Variants in NR5A1 observed in about 807,000 individuals in gnomAD.
The protein encoded by NR5A1 is nuclear receptor subfamily 5 group A member 1, also known as steroidogenic factor 1.
NR5A1 carries 6 observed loss-of-function variants against 42.7 expected under a neutral mutation model. The observed-to-expected ratio is 0.14, with a 90% CI of 0.08 to 0.28. The LOEUF (loss-of-function observed/expected upper bound fraction) is 0.28, where lower values mean the gene tolerates loss of function less well. Among genes scored for constraint, NR5A1 ranks in the 10% least tolerant of loss-of-function variants. The pLI is 1.00. For missense variants in NR5A1, 442 were observed against 626.4 expected (o/e 0.71, Z 3.14); for synonymous variants, 274 against 277.5 (o/e 0.99, Z 0.12).
chr9:124,504,681 C>T (rs1680968726), intron 1 of NR5A1, among the ~76,000 whole-genome samples: 1 of 149,822 alleles, frequency 6.7e-6, no homozygotes, highest in South Asian at 2.1e-4. Flanking sequence ...CCGGCGCCCA[C>T]CTGGTCGCTC....
chr9:124,493,276 A>T (rs1832344074), intron 4 of NR5A1, 127 bp from the exon 5 acceptor site: 3 of 1,248,584 alleles, frequency 2.4e-6, no homozygotes, highest in African/African-American at 3.0e-5. Flanking sequence ...CTCTGTGCCC[A>T]TCTACCCAGA....
At position 124,482,864 on chromosome 9, in the gene NR5A1, C is replaced by T. The variant is rs151191539; in HGVS notation, c.1280G>A (p.Arg427Gln). The stretch of plus-strand genomic sequence containing the variant: ...CTCCTTGGCCTGCATGCTCAGGGCC[C>T]GCACCTCCACCAGGCACAGCAGCAG... Reference protein sequence around the residue: ...QQLLLCLVEVRALSMQAKEYL... With the variant: ...QQLLLCLVEVQALSMQAKEYL... The change falls in exon 7 of 7, where the codon CGG (arginine) becomes CAG (glutamine). Residue 427 changes from arginine (R) to glutamine (Q), a missense_variant. Arg to Gln is a conservative substitution (Grantham distance 43). This residue lies in a region of NR5A1 where 163 missense variants were observed against 265.8 expected (regional missense o/e 0.61). Transcript: ENST00000373588. The T allele has an allele frequency of 2.0e-5, 32 of 1,613,848 alleles. No individual in the cohort carries two copies. The highest frequency in any genetic ancestry group is 2.5e-5 in the Non-Finnish European group (30 of 1,179,984).
intron 1 of NR5A1, among the ~76,000 whole-genome samples, chr9:124,506,755 G>A (rs577378659): frequency 6.6e-6 from 1 of 152,212 alleles, no homozygotes; most frequent in African/African-American, 2.4e-5. Flanking sequence ...ACCGCCTGGG[G>A]AGTTCCAGCC....
chr9:124,491,240 G>T lies in NR5A1; in HGVS notation c.991-12C>A. 1 of 1,592,610 alleles carries T rather than the reference G, an allele frequency of 6.3e-7. No homozygotes were observed. Among genetic ancestry groups the T allele is most frequent in the South Asian group, 1.1e-5 (1 of 89,488 alleles). On this transcript the variant is annotated splice_polypyrimidine_tract_variant and intron_variant, in intron 5 of 6. Transcript: ENST00000373588. ...GTGGTCAGCTCCACCTGGGGGCAGAGGGCACGGGGCGGGGGACAGTCAGAG... is the reference window on the plus strand; with the variant it reads ...GTGGTCAGCTCCACCTGGGGGCAGATGGCACGGGGCGGGGGACAGTCAGAG...
intron 5 of NR5A1, among the ~76,000 whole-genome samples, chr9:124,491,669 G>A (rs1465033510): frequency 1.3e-5 from 2 of 151,992 alleles, no homozygotes; most frequent in Non-Finnish European, 2.9e-5. Flanking sequence ...TCACAGCTCA[G>A]CTCAGAGTCA....
chr9:124,506,387 GAAAC>G (rs1267914835), intron 1 of NR5A1, among the ~76,000 whole-genome samples: 1 of 152,178 alleles, frequency 6.6e-6, no homozygotes, highest in Admixed American at 6.5e-5. Context: ...AAACCCCTGA[GAAAC>G]AAGAGCATCT....
chr9:124,501,066 T>C lies in NR5A1; in HGVS notation c.245-351A>G. 1.8e-6 allele frequency: 1 copy of C among 560,060 alleles called. No homozygotes were observed. The highest frequency in any genetic ancestry group is 3.5e-6 in the Non-Finnish European group (1 of 286,044). 34.7% of individuals were successfully genotyped at this position (560,060 alleles called of 1,614,324 possible). A position where few individuals can be genotyped will look rare whatever the true frequency, so the allele number is the denominator to read the frequency against. ...GAACACCCAGCCTCAATGTCACTAC[T>C]TCCAGGAAGCACTCCTGGATTCATG... On this transcript the variant is annotated intron_variant, in intron 3 of 6. Transcript: ENST00000373588. This position sits in a 1 kb window ranked among gnomAD's most constrained non-coding sequence, Gnocchi z 4.1.
chr9:124,488,397 A>G (rs1274887361), intron 6 of NR5A1, among the ~76,000 whole-genome samples: 1 of 151,558 alleles, frequency 6.6e-6, no homozygotes, highest in Non-Finnish European at 1.5e-5. Context: ...CTCCTCTGGC[A>G]CCCCCAACCT....
At chr9:124,494,630 C>T (rs1274298615) in intron 4 of NR5A1, among the ~76,000 whole-genome samples, 1 of 152,164 alleles carries the variant, frequency 6.6e-6, no homozygotes, top group Non-Finnish European at 1.5e-5. Flanking sequence ...CAAGGTGCTC[C>T]CCAAGACAAG....
intron 4 of NR5A1, among the ~76,000 whole-genome samples, chr9:124,494,260 C>T (rs574714826): frequency 4.5e-4 from 68 of 152,328 alleles, no homozygotes; most frequent in African/African-American, 1.6e-3. Context: ...CTGCGAGTTT[C>T]GTATAGTCGC....
intron 6 of NR5A1, 117 bp downstream of exon 6, chr9:124,490,964 C>T (rs1443409050): frequency 7.5e-7 from 1 of 1,338,304 alleles, no homozygotes; most frequent in African/African-American, 1.5e-5. Context: ...TCCTTTCTCC[C>T]CGAGGCTCCT....
rs1220769050 is a variant in NR5A1, at chr9:124,496,102, G to A, written c.871-2953C>T. ...CCTGCCCCTTGGCCAAGCAGGTCTT[G>A]TACTCACTGCTTTCCTTGGGTGGAC... On this transcript the variant is annotated intron_variant, in intron 4 of 6. Coordinates refer to ENST00000373588, the MANE Select transcript of NR5A1 (RefSeq NM_004959.5). This position sits in a 1 kb window ranked among gnomAD's most constrained non-coding sequence, Gnocchi z 5.0. Among the ~76,000 whole-genome samples, 5 of 152,048 alleles carry A rather than the reference G, an allele frequency of 3.3e-5. No individual in the cohort carries two copies. The highest frequency in any genetic ancestry group is 7.4e-5 in the Non-Finnish European group (5 of 68,010).
chr9:124,493,894 C>T (rs983268504), intron 4 of NR5A1, among the ~76,000 whole-genome samples: 1 of 152,184 alleles, frequency 6.6e-6, no homozygotes, highest in African/African-American at 2.4e-5. Context: ...GACTCAGAAG[C>T]AGAGCCAGGG....
chr9:124,501,387 TA>T lies in NR5A1; in HGVS notation c.245-673del, dbSNP rs1564153120. On this transcript the variant is annotated intron_variant, in intron 3 of 6. Transcript: ENST00000373588. The surrounding 1 kb of genome is among the most constrained non-coding windows in gnomAD (Gnocchi z 4.1). ...CCAAGTTTAGAGCTGGCCAAGGCTC[TA>T]TGCTGGGGGAGGGGACCTCTCTTGC... Among the ~76,000 whole-genome samples the T allele has an allele frequency of 6.6e-6, 1 of 152,256 alleles. No individual in the cohort carries two copies. The highest frequency in any genetic ancestry group is 2.4e-5 in the African/African-American group (1 of 41,468).
intron 6 of NR5A1, among the ~76,000 whole-genome samples, chr9:124,489,294 C>T (rs922027970): frequency 5.3e-5 from 8 of 152,172 alleles, no homozygotes; most frequent in Non-Finnish European, 1.0e-4. Flanking sequence ...GCAGCCAGGT[C>T]AAGAACTCTC....
intron 6 of NR5A1, among the ~76,000 whole-genome samples, chr9:124,486,508 C>G (rs949791907): frequency 2.0e-5 from 3 of 152,202 alleles, no homozygotes; most frequent in African/African-American, 7.2e-5. Context: ...TGCCCAGGAG[C>G]TGGGTCAAGC....
rs548473217 is a variant in NR5A1, at chr9:124,500,708, G to A, written c.252C>T (p.Arg84=). The A allele has an allele frequency of 3.1e-5, 50 of 1,612,750 alleles. No individual in the cohort carries two copies. The South Asian group carries it at 3.2e-4, about 10-fold the overall frequency. ...TCCGGCCACCCCTCATACGGTCAGCGCGCACGGCTGTGGGCAGGGGCAGAG... is the reference window on the plus strand; with the variant it reads ...TCCGGCCACCCCTCATACGGTCAGCACGCACGGCTGTGGGCAGGGGCAGAG... ...LTVGMRLEAV[R]ADRMRGGRNK... Residue 84 remains arginine (R), a synonymous_variant, in exon 4 of 7, where the codon CGC becomes CGT. Transcript: ENST00000373588. The surrounding 1 kb of genome is among the most constrained non-coding windows in gnomAD (Gnocchi z 6.9).
intron 6 of NR5A1, among the ~76,000 whole-genome samples, chr9:124,483,209 C>T (rs190526102): frequency 3.3e-5 from 5 of 152,238 alleles, no homozygotes; most frequent in African/African-American, 1.2e-4. Flanking sequence ...ACAAACACCA[C>T]CATCGTCACC....
intron 4 of NR5A1, among the ~76,000 whole-genome samples, chr9:124,497,063 C>T (rs1344446440): frequency 6.6e-6 from 1 of 152,200 alleles, no homozygotes; most frequent in Non-Finnish European, 1.5e-5. Flanking sequence ...TGTGTCTCTC[C>T]CTGCTGCCTC....
Sources: gnomAD v4.1 joint callset for allele counts (sites outside exome capture counted in the v4.1 genomes callset) on GRCh38, gnomAD v4.1.1 for gene constraint, gnomAD v4.1.1 regional missense constraint, Gnocchi (gnomAD v3.1) non-coding constraint, MANE v1.5 for transcripts, NCBI Gene and HGNC (gene_info 2026-07-23, HGNC 2026-07-21) for gene names.